Variants in APBB2 observed in about 807,000 individuals in gnomAD.
APBB2 encodes amyloid beta precursor protein binding family B member 2, also known as Fe65-like 1.
Under a neutral mutation model 82.5 loss-of-function variants are expected in APBB2, and 38 were observed. That is an observed-to-expected ratio of 0.46 (90% confidence interval 0.36 to 0.60). APBB2 has a LOEUF of 0.60. Among genes scored for constraint, APBB2 ranks in the 20% least tolerant of loss-of-function variants. APBB2 has a pLI of 0.00. For missense variants in APBB2, 772 were observed against 972.3 expected, an observed-to-expected ratio of 0.79 and a Z score of 2.74; for synonymous variants, 341 against 368.2, an observed-to-expected ratio of 0.93 and a Z score of 0.85.
In APBB2 at chr4:40,890,601, G is replaced by A. The variant is rs574163487; in HGVS notation, c.1402-110C>T. On this transcript the variant is annotated intron_variant, in intron 11 of 17. Transcript: ENST00000508593. ...TCAACCATCAGAAGAAGCCACCCTG[G>A]GGTCTGTAATTTGTCTGCCTAAGAA... The A allele has an allele frequency of 1.4e-5, 20 of 1,435,292 alleles. No individual in the cohort carries two copies. The South Asian group carries it at 2.6e-4, about 19-fold the overall frequency. 88.9% of individuals were successfully genotyped at this position (1,435,292 alleles called of 1,614,324 possible).
intron 5 of APBB2, among the ~76,000 whole-genome samples, chr4:41,030,203 C>T (rs1291915508): frequency 6.6e-6 from 1 of 151,874 alleles, no homozygotes; most frequent in South Asian, 2.1e-4. Flanking sequence ...GGAAAGGAGC[C>T]CAGCAGTGGA....
At chr4:41,204,130 CAG>C (rs1341909517) in intron 1 of APBB2, among the ~76,000 whole-genome samples, 1 of 152,162 alleles carries the variant, frequency 6.6e-6, no homozygotes, top group Non-Finnish European at 1.5e-5. Flanking sequence ...GCAATGGCAA[CAG>C]GGGATAAAAG....
chr4:41,195,837 C>T, intron 1 of APBB2, among the ~76,000 whole-genome samples: 4 of 152,292 alleles, frequency 2.6e-5, no homozygotes, highest in African/African-American at 9.6e-5. Flanking sequence ...GATCCTCCCT[C>T]AACTCTTTCA....
In APBB2 at chr4:41,090,238, T is replaced by C. The variant is rs547695462; in HGVS notation, c.-149+10401A>G. On this transcript the variant is annotated intron_variant, in intron 3 of 17. Transcript: ENST00000508593. ...GAAGTTATATTCTTTTACTTTCTAC[T>C]TAAGAAATAAATGAAAATGCATCTG... 7.2e-5 allele frequency among the ~76,000 whole-genome samples: 11 copies of C among 152,260 alleles called. 1 individual carries two copies. In the South Asian group the frequency reaches 1.2e-3, roughly 17 times the overall value.
chr4:40,990,297 C>G (rs1232200980), intron 6 of APBB2: 2 of 151,896 alleles, frequency 1.3e-5, no homozygotes, highest in African/African-American at 4.8e-5. Flanking sequence ...CTCTCTCCCT[C>G]TCTCTTTCTC....
chr4:41,016,203 C>T (rs1809892884), intron 5 of APBB2, among the ~76,000 whole-genome samples: 1 of 152,126 alleles, frequency 6.6e-6, no homozygotes, highest in Non-Finnish European at 1.5e-5. Flanking sequence ...TATTAGGCTG[C>T]TTTATGATGC....
intron 1 of APBB2, among the ~76,000 whole-genome samples, chr4:41,174,099 G>A (rs1031303178): frequency 1.2e-4 from 18 of 152,142 alleles, no homozygotes; most frequent in Admixed American, 2.6e-4. Context: ...CTGAAACACC[G>A]AAGCTGATCA....
intron 1 of APBB2, among the ~76,000 whole-genome samples, chr4:41,168,702 C>G (rs988063990): frequency 1.3e-5 from 2 of 152,158 alleles, no homozygotes; most frequent in African/African-American, 4.8e-5. Context: ...AGAACCACGG[C>G]CCTGATCAAA....
At chr4:41,167,911 T>C (rs1767109019) in intron 1 of APBB2, among the ~76,000 whole-genome samples, 1 of 152,210 alleles carries the variant, frequency 6.6e-6, no homozygotes, top group Admixed American at 6.5e-5. Context: ...AGAGCCAACA[T>C]GGTGCTTTTC....
At chr4:40,830,872 C>A (rs1751624299) in intron 12 of APBB2, among the ~76,000 whole-genome samples, 1 of 151,814 alleles carries the variant, frequency 6.6e-6, no homozygotes, top group African/African-American at 2.4e-5. Flanking sequence ...AGTTTGAGAC[C>A]AGCTCTCGAA....
intron 1 of APBB2, among the ~76,000 whole-genome samples, chr4:41,209,260 G>A (rs565399057): frequency 1.4e-4 from 22 of 152,162 alleles, no homozygotes; most frequent in Non-Finnish European, 2.8e-4. Context: ...AGTTTTGTGA[G>A]CCTCTTGAAA....
chr4:40,889,144 G>A (rs912433259), intron 12 of APBB2, among the ~76,000 whole-genome samples: 2 of 152,224 alleles, frequency 1.3e-5, no homozygotes, highest in African/African-American at 4.8e-5. Context: ...AAAGCTCAAA[G>A]ATGCAACTGT....
intron 6 of APBB2, among the ~76,000 whole-genome samples, chr4:40,963,365 G>C (rs1331200441): frequency 6.6e-6 from 1 of 152,040 alleles, no homozygotes; most frequent in East Asian, 1.9e-4. Context: ...TCCCACCTCA[G>C]CTTCCTGAGT....
At chr4:40,966,960 G>A (rs557060033) in intron 6 of APBB2, among the ~76,000 whole-genome samples, 6 of 152,312 alleles carry the variant, frequency 3.9e-5, no homozygotes, top group Non-Finnish European at 5.9e-5. Flanking sequence ...CCATGGACCA[G>A]GGTGAGAATT....
At chr4:40,860,120 T>A (rs1762409777) in intron 12 of APBB2, among the ~76,000 whole-genome samples, 1 of 152,258 alleles carries the variant, frequency 6.6e-6, no homozygotes. Context: ...AGTCTGGTTT[T>A]GTTTCTGTAC....
At chr4:41,079,088 G>A (rs775983259) in intron 3 of APBB2, among the ~76,000 whole-genome samples, 6 of 152,220 alleles carry the variant, frequency 3.9e-5, no homozygotes, top group Non-Finnish European at 7.3e-5. Context: ...AAGTGACAGA[G>A]TTGGTACCAA....
intron 2 of APBB2, among the ~76,000 whole-genome samples, chr4:41,126,798 T>A (rs1275281960): frequency 6.6e-6 from 1 of 152,160 alleles, no homozygotes; most frequent in Non-Finnish European, 1.5e-5. Flanking sequence ...GTGCCTAATT[T>A]CTTCTTCTTA....
intron 5 of APBB2, among the ~76,000 whole-genome samples, chr4:41,019,999 GAGAC>G (rs1312610603): frequency 6.6e-6 from 1 of 152,070 alleles, no homozygotes; most frequent in African/African-American, 2.4e-5. Flanking sequence ...AAGAGACAGA[GAGAC>G]AGAAAGTCAA....
At chr4:41,042,502 T>G (rs1721913018) in intron 4 of APBB2, among the ~76,000 whole-genome samples, 1 of 152,180 alleles carries the variant, frequency 6.6e-6, no homozygotes, top group South Asian at 2.1e-4. Context: ...TCAACTGTGT[T>G]GTTTTGGCCA....
Sources: allele counts gnomAD v4.1 joint callset (sites outside exome capture counted in the v4.1 genomes callset), GRCh38; gene constraint gnomAD v4.1.1; transcripts MANE v1.5; gene names NCBI Gene and HGNC (gene_info 2026-07-23, HGNC 2026-07-21).